CFAP77: variants seen among roughly 807,000 people sequenced by gnomAD.
CFAP77 encodes cilia and flagella associated protein 77.
CFAP77 carries 25 observed loss-of-function variants against 31.1 expected under a neutral mutation model. The ratio of observed to expected loss-of-function variants is 0.80; its 90% CI spans 0.59 to 1.12. The LOEUF is 1.12. Ranked by LOEUF, CFAP77 falls within the 50% of genes most tolerant of loss-of-function variation. The probability of loss-of-function intolerance (pLI) is 0.00; values close to 1 mark genes in which losing one functional copy is unlikely to be tolerated. For synonymous variants in CFAP77, 151 were observed against 159.9 expected, an observed-to-expected ratio of 0.94 and a Z score of 0.42; for missense variants, 377 against 397.3, an observed-to-expected ratio of 0.95 and a Z score of 0.44.
At chr9:132,440,112 C>G (rs527258100) in intron 1 of CFAP77, among the ~76,000 whole-genome samples, 1 of 152,158 alleles carries the variant, frequency 6.6e-6, no homozygotes, top group Admixed American at 6.5e-5. Context: ...GAGGGGATCA[C>G]TTGAGCTCAG....
intron 3 of CFAP77, among the ~76,000 whole-genome samples, chr9:132,521,383 C>G (rs1852261571): frequency 6.6e-6 from 1 of 152,198 alleles, no homozygotes; most frequent in South Asian, 2.1e-4. Flanking sequence ...AAGGAGTTTC[C>G]AAAGGCTTCC....
At chr9:132,547,396 C>T (rs1022968193) in intron 5 of CFAP77, among the ~76,000 whole-genome samples, 3 of 152,232 alleles carry the variant, frequency 2.0e-5, no homozygotes, top group African/African-American at 7.2e-5. Flanking sequence ...CTCAGCAGAA[C>T]GCCTGGCCCA....
intron 5 of CFAP77, among the ~76,000 whole-genome samples, chr9:132,550,496 C>T (rs1429700027): frequency 2.1e-5 from 3 of 141,964 alleles, no homozygotes; most frequent in African/African-American, 7.9e-5. Context: ...GGAGCAGCAT[C>T]TTCCTCAACA....
intron 5 of CFAP77, among the ~76,000 whole-genome samples, chr9:132,549,868 C>T (rs562219751): frequency 4.7e-5 from 7 of 149,302 alleles, no homozygotes; most frequent in African/African-American, 7.4e-5. Context: ...AAAGCAGGAG[C>T]TTAATTGGTT....
In CFAP77 at chr9:132,438,539, A is replaced by ATTTT. The variant is rs1165427680; in HGVS notation, c.195+28074_195+28075insTTTT. 2.9e-3 allele frequency among the ~76,000 whole-genome samples: 338 copies of ATTTT among 115,376 alleles called. 1 individual carries two copies. The highest frequency in any genetic ancestry group is 4.4e-3 in the Non-Finnish European group (262 of 59,308). The allele number at this position is 115,376 out of a possible 152,430, so 75.7% of individuals were successfully genotyped here. A position where few individuals can be genotyped will look rare whatever the true frequency, so the allele number is the denominator to read the frequency against. On this transcript the variant is annotated intron_variant, in intron 1 of 5. Coordinates refer to ENST00000393216, the MANE Select transcript of CFAP77 (RefSeq NM_001282957.2). The stretch of plus-strand genomic sequence containing the variant: ...ATATGGTATATATATATATATATAT[A>ATTTT]TATTTTTTTTTTTTTTTTTAGACAG...
At chr9:132,523,542 T>C (rs931749611) in intron 3 of CFAP77, among the ~76,000 whole-genome samples, 1 of 152,218 alleles carries the variant, frequency 6.6e-6, no homozygotes, top group South Asian at 2.1e-4. Context: ...AGCTGCATAA[T>C]ATTTCATCAT....
intron 5 of CFAP77, among the ~76,000 whole-genome samples, chr9:132,572,054 G>C (rs137938948): frequency 1.3e-5 from 2 of 152,166 alleles, no homozygotes; most frequent in African/African-American, 4.8e-5. Flanking sequence ...GGCTTGTTTG[G>C]GGTTTTTAAT....
intron 1 of CFAP77, among the ~76,000 whole-genome samples, chr9:132,471,863 C>A (rs529567204): frequency 5.6e-4 from 85 of 152,120 alleles, no homozygotes; most frequent in Admixed American, 5.2e-3. Flanking sequence ...TGCTACCACG[C>A]CTGGTTAATT....
At chr9:132,486,090 A>ATTTTATT (rs1554742622) in intron 1 of CFAP77, among the ~76,000 whole-genome samples, 1 of 15,356 alleles carries the variant, frequency 6.5e-5, no homozygotes, top group African/African-American at 4.3e-4. Flanking sequence ...ATATATATAT[A>ATTTTATT]TTTTTTTTTT....
At chr9:132,463,799 G>A (rs2131728458) in intron 1 of CFAP77, among the ~76,000 whole-genome samples, 1 of 152,350 alleles carries the variant, frequency 6.6e-6, no homozygotes, top group South Asian at 2.1e-4. Context: ...AAGGACAGCA[G>A]CGGAGGTCCC....
intron 3 of CFAP77, among the ~76,000 whole-genome samples, chr9:132,526,005 G>C (rs1852353642): frequency 6.6e-6 from 1 of 152,106 alleles, no homozygotes; most frequent in Non-Finnish European, 1.5e-5. Flanking sequence ...TTCATTGAAG[G>C]ATGTTTTTGT....
chr9:132,567,841 A>G (rs1452770485), intron 5 of CFAP77, among the ~76,000 whole-genome samples: 1 of 152,002 alleles, frequency 6.6e-6, no homozygotes, highest in Non-Finnish European at 1.5e-5. Context: ...CTGTCTTCAC[A>G]TGGCTGTCTC....
At chr9:132,432,938 TC>T (rs1850437075) in intron 1 of CFAP77, among the ~76,000 whole-genome samples, 1 of 152,124 alleles carries the variant, frequency 6.6e-6, no homozygotes, top group Non-Finnish European at 1.5e-5. Context: ...ATGGTCTTGA[TC>T]TCCTGACCTT....
At position 132,481,460 on chromosome 9, in the gene CFAP77, C is replaced by T. The variant is rs1851445599; in HGVS notation, c.196-17235C>T. Among the ~76,000 whole-genome samples the T allele has an allele frequency of 6.6e-6, 1 of 152,244 alleles. No homozygotes were observed. The highest frequency in any genetic ancestry group is 2.4e-5 in the African/African-American group (1 of 41,474). On this transcript the variant is annotated intron_variant, in intron 1 of 5. Transcript: ENST00000393216. The surrounding 1 kb of genome is among the most constrained non-coding windows in gnomAD (Gnocchi z 5.0). ...ACTCCTTACACTCCTCCCTCCCCAG[C>T]AAGATTTCATCCATCTTTGTGTGCT...
At chr9:132,434,637 C>T (rs529142454) in intron 1 of CFAP77, among the ~76,000 whole-genome samples, 4 of 152,062 alleles carry the variant, frequency 2.6e-5, no homozygotes, top group East Asian at 1.9e-4. Context: ...TTGGTTTCAC[C>T]GAGAAGCAAA....
intron 1 of CFAP77, among the ~76,000 whole-genome samples, chr9:132,449,240 C>T (rs932209050): frequency 2.6e-4 from 40 of 152,126 alleles, no homozygotes; most frequent in African/African-American, 9.2e-4. Context: ...AATTTCCCCA[C>T]CCAAAGAAGC....
intron 1 of CFAP77, among the ~76,000 whole-genome samples, chr9:132,468,095 C>G (rs1427251095): frequency 6.6e-6 from 1 of 152,106 alleles, no homozygotes; most frequent in Non-Finnish European, 1.5e-5. Flanking sequence ...GTAATCTCAG[C>G]ACTTTGGGAG....
At chr9:132,436,096 A>G (rs555128721) in intron 1 of CFAP77, among the ~76,000 whole-genome samples, 66 of 152,178 alleles carry the variant, frequency 4.3e-4, no homozygotes, top group Non-Finnish European at 4.9e-4. Context: ...ATCGCAAGTC[A>G]CAACTTGGTG....
Position 132,546,266 on chromosome 9 carries a change from C to T in CFAP77, c.732+3219C>T, listed in dbSNP as rs986771760. 7.6e-4 allele frequency among the ~76,000 whole-genome samples: 115 copies of T among 152,304 alleles called. 1 individual carries two copies. The highest frequency in any genetic ancestry group is 6.8e-4 in the Non-Finnish European group (46 of 68,028). On this transcript the variant is annotated intron_variant, in intron 5 of 5. Coordinates refer to ENST00000393216, the MANE Select transcript of CFAP77 (RefSeq NM_001282957.2). ...CTGGGCCTGGACTCAGGGGTCCGGGCGGGTGGCCAGGGCCACTCCCCCTAG... is the reference window on the plus strand; with the variant it reads ...CTGGGCCTGGACTCAGGGGTCCGGGTGGGTGGCCAGGGCCACTCCCCCTAG...
Sources: allele counts gnomAD v4.1 joint callset (sites outside exome capture counted in the v4.1 genomes callset), GRCh38; gene constraint gnomAD v4.1.1; non-coding constraint Gnocchi (gnomAD v3.1); transcripts MANE v1.5; gene names NCBI Gene and HGNC (gene_info 2026-07-23, HGNC 2026-07-21).